MUC5AC: variants seen among roughly 807,000 people sequenced by gnomAD.
MUC5AC encodes mucin-5AC.
Under a neutral mutation model 169.7 loss-of-function variants are expected in MUC5AC, and 158 were observed. The ratio of observed to expected loss-of-function variants is 0.93; its 90% CI spans 0.82 to 1.06. The LOEUF is 1.06. MUC5AC is among the 50% of genes least tolerant of loss of function. The pLI is 0.00. For synonymous variants in MUC5AC, 1,975 were observed against 1,237.0 expected (o/e 1.60, Z -12.52); for missense variants, 4,359 against 3,089.9 (o/e 1.41, Z -9.74).
At position 1,180,343 on chromosome 11, in the gene MUC5AC, T is replaced by G. The variant is rs1860787855; in HGVS notation, c.3614-11T>G. 1 of 398,592 alleles carries G rather than the reference T, an allele frequency of 2.5e-6. No individual in the cohort carries two copies. The highest frequency in any genetic ancestry group is 4.4e-6 in the Non-Finnish European group (1 of 226,130). 24.7% of individuals were successfully genotyped at this position (398,592 alleles called of 1,614,324 possible). On this transcript the variant is annotated splice_polypyrimidine_tract_variant and intron_variant, in intron 27 of 48. Transcript: ENST00000621226. ...CGGTCTGGTTGTGACTCTGGCCTCT[T>G]TGGCCCACAGGCTGCTACCCCAAGT...
In MUC5AC at chr11:1,174,612, C is replaced by G; in HGVS notation, c.2082C>G (p.Asp694Glu). Residue 694 changes from aspartate (D) to glutamate (E), a missense_variant, in exon 17 of 49, where the codon GAC becomes GAG. By Grantham distance (45) the Asp-to-Glu change is conservative (BLOSUM62 2). Coordinates refer to ENST00000621226, the MANE Select transcript of MUC5AC (RefSeq NM_001304359.2). ...AKGVQLGGWR[D>E]GVCTKPMTTC... Reference sequence around the variant, plus strand: ...GCGTGCAGCTCGGCGGCTGGAGGGACGGCGTCTGCAGTGAGTGCCTGCCAA... The same window carrying G: ...GCGTGCAGCTCGGCGGCTGGAGGGAGGGCGTCTGCAGTGAGTGCCTGCCAA... The G allele has an allele frequency of 7.8e-7, 1 of 1,287,312 alleles. No homozygotes were observed. 79.7% of individuals were successfully genotyped at this position (1,287,312 alleles called of 1,614,324 possible).
intron 1 of MUC5AC, among the ~76,000 whole-genome samples, chr11:1,159,777 G>T (rs560382546): frequency 3.8e-4 from 40 of 104,624 alleles, no homozygotes; most frequent in Admixed American, 4.6e-4. Flanking sequence ...TGCGGGGCTG[G>T]GGTCTGGTCC....
At chr11:1,167,673 GCCT>G (rs1315436824) in intron 11 of MUC5AC, among the ~76,000 whole-genome samples, 1 of 152,184 alleles carries the variant, frequency 6.6e-6, no homozygotes, top group Non-Finnish European at 1.5e-5. Context: ...GCAGAGTGTG[GCCT>G]CCTCAGGGTG....
chr11:1,178,678 G>T lies in MUC5AC; in HGVS notation c.3322G>T (p.Ala1108Ser), dbSNP rs1241931972. ...LHGPTFAACH[A>S]HVEPARYYEA... ...CGGCCCCACCTTCGCCGCCTGCCAC[G>T]CACACGTATGCTGGCCGGGGGGCGT... is the stretch of plus-strand genomic sequence containing the variant. Residue 1108 changes from alanine to serine, a missense_variant, in exon 25 of 49, where the codon GCA (alanine) becomes TCA (serine). Physicochemically the swap from Ala to Ser is moderately conservative, Grantham distance 99. Coordinates refer to ENST00000621226, the MANE Select transcript of MUC5AC (RefSeq NM_001304359.2). 3 of 1,299,088 alleles carry T rather than the reference G, an allele frequency of 2.3e-6. No homozygotes were observed. Among genetic ancestry groups the T allele is most frequent in the South Asian group, 2.7e-5 (1 of 36,856 alleles). The allele number at this position is 1,299,088 out of a possible 1,614,324, so 80.5% of individuals were successfully genotyped here.
At chr11:1,175,855 A>C (rs1827642624) in intron 19 of MUC5AC, among the ~76,000 whole-genome samples, 1 of 100,250 alleles carries the variant, frequency 1.0e-5, no homozygotes, top group Non-Finnish European at 1.9e-5. Context: ...ACACCCACTT[A>C]TGGACACGCT....
At chr11:1,197,116 AT>A (rs796418845) in intron 40 of MUC5AC, among the ~76,000 whole-genome samples, 2 of 152,186 alleles carry the variant, frequency 1.3e-5, no homozygotes, top group African/African-American at 4.8e-5. Flanking sequence ...CTCTGTCCGT[AT>A]TGGGGACGGT....
intron 12 of MUC5AC, 41 bp downstream of exon 12, chr11:1,168,028 G>C (rs575964421): frequency 6.7e-7 from 1 of 1,503,252 alleles, no homozygotes; most frequent in South Asian, 1.2e-5. Flanking sequence ...GAAGAGGGAA[G>C]GGGCCTGTCT....
chr11:1,162,716 T>A (rs1156715224), intron 5 of MUC5AC, 70 bp downstream of exon 5: 5 of 1,447,822 alleles, frequency 3.5e-6, no homozygotes, highest in Non-Finnish European at 3.9e-6. Flanking sequence ...CCACAGCCTC[T>A]CCGGAGAGGG....
At position 1,187,218 on chromosome 11, in the gene MUC5AC, A is replaced by G; in HGVS notation, c.9073A>G (p.Thr3025Ala). The G allele has an allele frequency of 1.4e-6, 1 of 699,284 alleles. No individual in the cohort carries two copies. Among genetic ancestry groups the G allele is most frequent in the South Asian group, 1.5e-5 (1 of 67,496 alleles). 43.3% of individuals were successfully genotyped at this position (699,284 alleles called of 1,614,324 possible). A position where few individuals can be genotyped will look rare whatever the true frequency, so the allele number is the denominator to read the frequency against. The change falls in exon 31 of 49, where the codon ACA becomes GCA. Residue 3025 changes from threonine to alanine, a missense_variant. Physicochemically the swap from Thr to Ala is moderately conservative, Grantham distance 58. Transcript: ENST00000621226. ...TACAACCAGCACAACCTTAGCTCCT[A>G]CAACCAGCACAACCTCTGCCCCTAC... Reference protein sequence around the residue: ...APTTSTTLAPTTSTTSAPTTS... With the variant: ...APTTSTTLAPATSTTSAPTTS...
chr11:1,172,971 C>T (rs1460706039), intron 16 of MUC5AC, among the ~76,000 whole-genome samples: 1 of 151,370 alleles, frequency 6.6e-6, no homozygotes, highest in Non-Finnish European at 1.5e-5. Flanking sequence ...CTCACTCATC[C>T]ACTCACCCAC....
At position 1,185,074 on chromosome 11, in the gene MUC5AC, C is replaced by G. The variant is rs1860901869; in HGVS notation, c.6929C>G (p.Pro2310Arg). Residue 2310 changes from proline to arginine, a missense_variant, in exon 31 of 49, where the codon CCT (proline) becomes CGT (arginine). By Grantham distance (103) the Pro-to-Arg change is moderately radical. Coordinates refer to ENST00000621226, the MANE Select transcript of MUC5AC (RefSeq NM_001304359.2). The part of the protein sequence containing the change: ...TTSGPGNTPS[P>R]VPTTSTISAP... ...TCTGGTCCTGGAAATACTCCCAGCC[C>G]TGTTCCTACCACCAGCACAATCTCT... 2.8e-6 allele frequency: 2 copies of G among 712,784 alleles called. No homozygotes were observed. Among genetic ancestry groups the G allele is most frequent in the African/African-American group, 3.5e-5 (2 of 56,800 alleles). 44.2% of individuals were successfully genotyped at this position (712,784 alleles called of 1,614,324 possible). A position where few individuals can be genotyped will look rare whatever the true frequency, so the allele number is the denominator to read the frequency against.
At chr11:1,171,907 C>CCACTCACCTAATCACT (rs1860557343) in intron 15 of MUC5AC, among the ~76,000 whole-genome samples, 5 of 147,600 alleles carry the variant, frequency 3.4e-5, no homozygotes, top group Admixed American at 6.7e-5. Context: ...ACCCATTCAC[C>CCACTCACCTAATCACT]CACTCACCTA....
At position 1,196,165 on chromosome 11, in the gene MUC5AC, G is replaced by C. The variant is rs77688114; in HGVS notation, c.15637+111G>C. On this transcript the variant is annotated intron_variant, in intron 37 of 48. Transcript: ENST00000621226. ...AGTCAGGGGGGGACCTGGAGGAGGA[G>C]GGGGCAGCCCCAGGGCAGAGTGCAC... 4.8e-6 allele frequency: 3 copies of C among 625,698 alleles called. No individual in the cohort carries two copies. The East Asian group carries it at 8.1e-5, about 17-fold the overall frequency. The allele number at this position is 625,698 out of a possible 1,614,324, so 38.8% of individuals were successfully genotyped here.
intron 14 of MUC5AC, 33 bp from the exon 15 acceptor site, chr11:1,168,829 G>T: frequency 5.7e-6 from 9 of 1,577,212 alleles, no homozygotes; most frequent in Non-Finnish European, 7.8e-6. Flanking sequence ...TGGCCAGGGC[G>T]CATGGTCCTC....
Position 1,174,961 on chromosome 11 carries a change from G to A in MUC5AC, c.2172G>A (p.Leu724=), listed in dbSNP as rs1860636569. 1 of 410,316 alleles carries A rather than the reference G, an allele frequency of 2.4e-6. No homozygotes were observed. Among genetic ancestry groups the A allele is most frequent in the Non-Finnish European group, 4.3e-6 (1 of 233,034 alleles). 25.4% of individuals were successfully genotyped at this position (410,316 alleles called of 1,614,324 possible). A position where few individuals can be genotyped will look rare whatever the true frequency, so the allele number is the denominator to read the frequency against. ...CCTGCCAGCCCACCTGCCGCTCCCT[G>A]AGCGAGGGGGACATCACCTGCAGTG... The part of the protein sequence containing the change: ...VSTCQPTCRS[L]SEGDITCSVG... Residue 724 remains leucine, a synonymous_variant, in exon 18 of 49, where the codon CTG becomes CTA. Transcript: ENST00000621226.
intron 15 of MUC5AC, among the ~76,000 whole-genome samples, 192 bp from the exon 16 acceptor site, chr11:1,172,236 AC>A (rs1187695527): frequency 3.3e-5 from 5 of 152,138 alleles, no homozygotes; most frequent in Non-Finnish European, 5.9e-5. Flanking sequence ...TGGATGTTGT[AC>A]CCTGCGTTTG....
Position 1,195,259 on chromosome 11 carries a change from C to T in MUC5AC, c.15438C>T (p.Ile5146=). 1 of 763,156 alleles carries T rather than the reference C, an allele frequency of 1.3e-6. No individual in the cohort carries two copies. The highest frequency in any genetic ancestry group is 1.3e-5 in the South Asian group (1 of 74,574). 47.3% of individuals were successfully genotyped at this position (763,156 alleles called of 1,614,324 possible). ...TPPAPCLPSP[I]CQLILSKVFE... The stretch of plus-strand genomic sequence containing the variant: ...CTGCTCCGTGCCTGCCATCACCCAT[C>T]TGCCAGCTGATTCTGAGCAAGTGAG... Residue 5146 remains isoleucine (I), a synonymous_variant, in exon 36 of 49, where the codon ATC becomes ATT. Coordinates refer to ENST00000621226, the MANE Select transcript of MUC5AC (RefSeq NM_001304359.2).
Position 1,194,268 on chromosome 11 carries a change from G to C in MUC5AC, c.14914G>C (p.Gly4972Arg), listed in dbSNP as rs922634334. ...CAACTACTTCTGCGGTGCGGAGGACGGGCTCTCCTGCCCGAGGTCCATCAT... is the reference window on the plus strand; with the variant it reads ...CAACTACTTCTGCGGTGCGGAGGACCGGCTCTCCTGCCCGAGGTCCATCAT... Reference protein sequence around the residue: ...VDNYFCGAEDGLSCPRSIILE... With the variant: ...VDNYFCGAEDRLSCPRSIILE... Residue 4972 changes from glycine (G) to arginine (R), a missense_variant, in exon 34 of 49, where the codon GGG (glycine) becomes CGG (arginine). Physicochemically the swap from Gly to Arg is moderately radical, Grantham distance 125. Transcript: ENST00000621226. The C allele has an allele frequency of 7.9e-6, 6 of 763,514 alleles. No homozygotes were observed. The highest frequency in any genetic ancestry group is 3.4e-5 in the African/African-American group (2 of 59,104). The allele number at this position is 763,514 out of a possible 1,614,324, so 47.3% of individuals were successfully genotyped here. A position where few individuals can be genotyped will look rare whatever the true frequency, so the allele number is the denominator to read the frequency against.
chr11:1,189,406 C>T lies in MUC5AC; in HGVS notation c.11261C>T (p.Ser3754Phe), dbSNP rs1374429100. The T allele has an allele frequency of 6.9e-6, 4 of 578,258 alleles. No homozygotes were observed. The African/African-American group carries it at 7.5e-5, about 11-fold the overall frequency. The allele number at this position is 578,258 out of a possible 1,614,324, so 35.8% of individuals were successfully genotyped here. A position where few individuals can be genotyped will look rare whatever the true frequency, so the allele number is the denominator to read the frequency against. The change falls in exon 31 of 49, where the codon TCT becomes TTT. Residue 3754 changes from serine to phenylalanine, a missense_variant. Coordinates refer to ENST00000621226, the MANE Select transcript of MUC5AC (RefSeq NM_001304359.2). ...TCTGCCCCTACAACCAGCACAACCT[C>T]TGCTCCCACAGCCAGCACAACGTCA... is the stretch of plus-strand genomic sequence containing the variant. ...TISAPTTSTT[S>F]APTASTTSAP...
Sources: allele counts gnomAD v4.1 joint callset (sites outside exome capture counted in the v4.1 genomes callset), GRCh38; gene constraint gnomAD v4.1.1; transcripts MANE v1.5; gene names NCBI Gene and HGNC (gene_info 2026-07-23, HGNC 2026-07-21).